Variants in PRKG1 observed in about 807,000 individuals in gnomAD.
The protein encoded by PRKG1 is protein kinase cGMP-dependent 1.
Under a neutral mutation model 88.1 loss-of-function variants are expected in PRKG1, and 35 were observed. The ratio of observed to expected loss-of-function variants is 0.40; its 90% CI spans 0.30 to 0.53. The LOEUF (loss-of-function observed/expected upper bound fraction) is 0.53, where lower values mean the gene tolerates loss of function less well. Among genes scored for constraint, PRKG1 ranks in the 20% least tolerant of loss-of-function variants. The pLI is 0.59. For missense variants in PRKG1, 540 were observed against 839.8 expected, an observed-to-expected ratio of 0.64 and a Z score of 4.41; for synonymous variants, 303 against 292.5, an observed-to-expected ratio of 1.04 and a Z score of -0.37.
intron 5 of PRKG1, among the ~76,000 whole-genome samples, chr10:51,920,218 A>G (rs17551404): frequency 0.13 from 20,130 of 152,142 alleles, 1,550 homozygotes; most frequent in Admixed American, 0.17. Context: ...AATAAGACTC[A>G]TTTTTCTTCT....
At chr10:51,378,111 T>A (rs1034531181) in intron 2 of PRKG1, among the ~76,000 whole-genome samples, 4 of 152,226 alleles carry the variant, frequency 2.6e-5, no homozygotes, top group African/African-American at 7.2e-5. Context: ...GCCAAAGACA[T>A]CCTTTCCTCT....
intron 2 of PRKG1, among the ~76,000 whole-genome samples, chr10:51,259,140 A>G (rs928622193): frequency 2.0e-5 from 3 of 152,342 alleles, no homozygotes; most frequent in African/African-American, 7.2e-5. Flanking sequence ...ATATTTTTGT[A>G]CATGGGTGTG....
intron 8 of PRKG1, among the ~76,000 whole-genome samples, chr10:52,148,213 C>T (rs79022061): frequency 0.014 from 2,157 of 152,194 alleles, 41 homozygotes; most frequent in East Asian, 0.052. Flanking sequence ...ATTGGCAATG[C>T]CTGGAGACAT....
At chr10:52,071,395 A>G (rs1292464601) in intron 7 of PRKG1, among the ~76,000 whole-genome samples, 2 of 152,150 alleles carry the variant, frequency 1.3e-5, no homozygotes, top group African/African-American at 4.8e-5. Flanking sequence ...AAACATGTGT[A>G]TTTGGCTTTC....
At chr10:52,002,311 C>T (rs1326436167) in intron 5 of PRKG1, among the ~76,000 whole-genome samples, 1 of 151,902 alleles carries the variant, frequency 6.6e-6, no homozygotes, top group Non-Finnish European at 1.5e-5. Context: ...CTTTTGTCAT[C>T]ACTTCTTAAG....
At chr10:52,131,242 T>C (rs1002320542) in intron 7 of PRKG1, among the ~76,000 whole-genome samples, 4 of 152,180 alleles carry the variant, frequency 2.6e-5, no homozygotes, top group African/African-American at 7.2e-5. Flanking sequence ...AAGCCAGCTA[T>C]GGTCCCGGCC....
At chr10:51,851,332 A>G (rs909097216) in intron 4 of PRKG1, among the ~76,000 whole-genome samples, 1 of 152,206 alleles carries the variant, frequency 6.6e-6, no homozygotes, top group Non-Finnish European at 1.5e-5. Context: ...TCGTTATTAC[A>G]AGTGGAGTTT....
chr10:51,130,077 G>A (rs916814894), intron 1 of PRKG1, among the ~76,000 whole-genome samples: 2 of 152,136 alleles, frequency 1.3e-5, no homozygotes, highest in African/African-American at 4.8e-5. Flanking sequence ...TACAGGAAAC[G>A]ACTGGAAAAC....
intron 3 of PRKG1, among the ~76,000 whole-genome samples, chr10:51,655,592 GA>G (rs1306148968): frequency 4.7e-5 from 7 of 150,148 alleles, no homozygotes; most frequent in South Asian, 2.1e-4. Context: ...GTTTTTTCAG[GA>G]AAAAAAAATA....
intron 3 of PRKG1, among the ~76,000 whole-genome samples, chr10:51,543,784 A>C (rs1043744296): frequency 4.6e-5 from 7 of 152,184 alleles, no homozygotes; most frequent in African/African-American, 1.4e-4. Flanking sequence ...AAATGTGAAC[A>C]AAGCCCCTAA....
At chr10:52,282,399 C>G (rs935846033) in intron 14 of PRKG1, 83 bp downstream of exon 14, 15 of 1,300,198 alleles carry the variant, frequency 1.2e-5, no homozygotes, top group Non-Finnish European at 1.6e-5. Context: ...TGGATTAGAC[C>G]ATCTTAAAGT....
intron 3 of PRKG1, chr10:51,699,603 T>C: frequency 6.5e-7 from 1 of 1,543,366 alleles, no homozygotes; most frequent in Non-Finnish European, 8.7e-7. Context: ...TCTGTCCTCT[T>C]GCGACCGACA....
intron 2 of PRKG1, among the ~76,000 whole-genome samples, chr10:51,163,662 G>A (rs1040054579): frequency 2.6e-5 from 4 of 152,176 alleles, no homozygotes; most frequent in Admixed American, 1.3e-4. Flanking sequence ...GGTGACAGAC[G>A]GCACCTGGAA....
In PRKG1 at chr10:51,262,698, G is replaced by A. The variant is rs7069542; in HGVS notation, c.478+109368G>A. 5.9e-3 allele frequency among the ~76,000 whole-genome samples: 897 copies of A among 152,214 alleles called. 4 individuals carry two copies. The highest frequency in any genetic ancestry group is 0.02 in the African/African-American group (850 of 41,528). On this transcript the variant is annotated intron_variant, in intron 2 of 17. Transcript: ENST00000373980. Reference sequence around the variant, plus strand: ...CAGGAAGCATGGCTTGGAGGCCTCCGGAAACTTACGATCATGGCAGAAGGG... The same window carrying A: ...CAGGAAGCATGGCTTGGAGGCCTCCAGAAACTTACGATCATGGCAGAAGGG...
At chr10:51,071,862 C>T (rs1305834642), upstream of PRKG1, among the ~76,000 whole-genome samples, 2 of 152,158 alleles carry the variant, frequency 1.3e-5, no homozygotes, top group Non-Finnish European at 2.9e-5. Context: ...AACTCTAAAA[C>T]ATCAATGAAA....
At chr10:50,994,386 A>G (rs1352364887) in intron 1 of PRKG1, among the ~76,000 whole-genome samples, 1 of 149,424 alleles carries the variant, frequency 6.7e-6, no homozygotes, top group African/African-American at 2.5e-5. Context: ...TAGATATTCC[A>G]TCACCTCACC....
At chr10:51,310,667 G>A (rs1841161148) in intron 2 of PRKG1, among the ~76,000 whole-genome samples, 1 of 151,870 alleles carries the variant, frequency 6.6e-6, no homozygotes, top group South Asian at 2.1e-4. Context: ...TTTATTTTCT[G>A]TATACTTTTT....
intron 3 of PRKG1, chr10:51,699,669 CG>C: frequency 8.7e-7 from 1 of 1,150,128 alleles, no homozygotes; most frequent in Non-Finnish European, 1.2e-6. Context: ...TTTACTAATT[CG>C]CTTGAATCGT....
intron 4 of PRKG1, among the ~76,000 whole-genome samples, chr10:51,880,435 C>A (rs1038643166): frequency 1.3e-5 from 2 of 152,130 alleles, no homozygotes; most frequent in African/African-American, 4.8e-5. Context: ...CCTGAGTACA[C>A]TTCATTGAAT....
Sources: gnomAD v4.1 joint callset for allele counts (sites outside exome capture counted in the v4.1 genomes callset) on GRCh38, gnomAD v4.1.1 for gene constraint, MANE v1.5 for transcripts, NCBI Gene and HGNC (gene_info 2026-07-23, HGNC 2026-07-21) for gene names.